CSMD1: variants seen among roughly 807,000 people sequenced by gnomAD.
CSMD1 encodes CUB and sushi domain-containing protein 1.
Under a neutral mutation model 417.5 loss-of-function variants are expected in CSMD1, and 213 were observed. That is an observed-to-expected ratio of 0.51 (90% CI 0.46 to 0.57). The LOEUF (loss-of-function observed/expected upper bound fraction) is 0.57, where lower values mean the gene tolerates loss of function less well. Among genes scored for constraint, CSMD1 ranks in the 20% least tolerant of loss-of-function variants. The pLI is 0.00. For synonymous variants in CSMD1, 2,862 were observed against 1,736.8 expected (o/e 1.65, Z -16.11); for missense variants, 6,923 against 4,529.7 (o/e 1.53, Z -15.17).
intron 1 of CSMD1, among the ~76,000 whole-genome samples, chr8:4,968,485 T>C (rs1385096885): frequency 1.3e-5 from 2 of 152,112 alleles, no homozygotes; most frequent in African/African-American, 4.8e-5. Flanking sequence ...TAGATTAAGA[T>C]ATAGGAAAAT....
chr8:4,312,423 G>GTATATATATA (rs1563435221), intron 3 of CSMD1, among the ~76,000 whole-genome samples: 8 of 105,106 alleles, frequency 7.6e-5, no homozygotes, highest in African/African-American at 6.2e-4. Flanking sequence ...ATATATATGC[G>GTATATATATA]CGTATATATA....
intron 3 of CSMD1, among the ~76,000 whole-genome samples, chr8:4,053,364 T>G (rs1371684500): frequency 6.6e-6 from 1 of 151,902 alleles, no homozygotes; most frequent in Non-Finnish European, 1.5e-5. Context: ...TATTCTAAAT[T>G]CTCTACAGAC....
At chr8:3,167,464 A>G (rs985830912) in intron 37 of CSMD1, among the ~76,000 whole-genome samples, 7 of 152,222 alleles carry the variant, frequency 4.6e-5, no homozygotes, top group African/African-American at 1.7e-4. Context: ...ACACATTTAA[A>G]AACACTTAAA....
At chr8:3,771,357 A>G (rs1012363691) in intron 5 of CSMD1, among the ~76,000 whole-genome samples, 1 of 152,106 alleles carries the variant, frequency 6.6e-6, no homozygotes, top group Non-Finnish European at 1.5e-5. Flanking sequence ...AGAAATTCAG[A>G]CGGCATTGCT....
intron 5 of CSMD1, among the ~76,000 whole-genome samples, chr8:3,909,492 C>G (rs1808317787): frequency 6.6e-6 from 1 of 152,108 alleles, no homozygotes; most frequent in South Asian, 2.1e-4. Flanking sequence ...ATCCAGAGAG[C>G]TTTCTCCCAG....
At chr8:3,098,861 G>C (rs1055020251) in intron 46 of CSMD1, among the ~76,000 whole-genome samples, 2 of 151,854 alleles carry the variant, frequency 1.3e-5, no homozygotes, top group African/African-American at 4.8e-5. Flanking sequence ...CTCCCCCTCA[G>C]GGTTTTAATT....
At chr8:4,901,335 G>A (rs376299583) in intron 1 of CSMD1, among the ~76,000 whole-genome samples, 1 of 152,128 alleles carries the variant, frequency 6.6e-6, no homozygotes, top group Admixed American at 6.5e-5. Flanking sequence ...AAAATTTCAG[G>A]TATAATGGTA....
At chr8:4,918,772 G>A (rs1221651488) in intron 1 of CSMD1, among the ~76,000 whole-genome samples, 2 of 151,938 alleles carry the variant, frequency 1.3e-5, no homozygotes, top group South Asian at 4.2e-4. Context: ...ATGTGCATAT[G>A]GAATTTTAAA....
At position 4,656,472 on chromosome 8, in the gene CSMD1, G is replaced by C. The variant is rs537506169; in HGVS notation, c.86-18914C>G. On this transcript the variant is annotated intron_variant, in intron 1 of 69. Coordinates refer to ENST00000635120, the MANE Select transcript of CSMD1 (RefSeq NM_033225.6). ...TAAAGCACTTAACCTTTGCTGATAA[G>C]AACATTTACGGACCATTTCATAAAA... is the stretch of plus-strand genomic sequence containing the variant. Among the ~76,000 whole-genome samples, 57 of 152,152 alleles carry C rather than the reference G, an allele frequency of 3.7e-4. No individual in the cohort carries two copies. The Middle Eastern group carries it at 0.014, about 36-fold the overall frequency.
intron 3 of CSMD1, among the ~76,000 whole-genome samples, chr8:4,264,559 G>C (rs1340936489): frequency 2.6e-5 from 4 of 152,138 alleles, no homozygotes; most frequent in African/African-American, 7.2e-5. Context: ...TTAAGGGTTA[G>C]CAAGCATTTT....
chr8:3,312,786 T>C (rs955667546), intron 23 of CSMD1, among the ~76,000 whole-genome samples: 9 of 137,328 alleles, frequency 6.6e-5, no homozygotes, highest in South Asian at 2.2e-4. Context: ...CATGTCAGCA[T>C]CTCTCAGGTT....
chr8:3,918,929 T>G (rs1375240560), intron 5 of CSMD1, among the ~76,000 whole-genome samples: 1 of 130,456 alleles, frequency 7.7e-6, no homozygotes, highest in Non-Finnish European at 1.7e-5. Flanking sequence ...GGGTTCAGTG[T>G]GGGCTGCTCG....
chr8:4,222,434 G>C lies in CSMD1; in HGVS notation c.416-190335C>G, dbSNP rs1376942251. 2.0e-5 allele frequency among the ~76,000 whole-genome samples: 3 copies of C among 150,246 alleles called. No individual in the cohort carries two copies. The East Asian group carries it at 5.9e-4, about 29-fold the overall frequency. On this transcript the variant is annotated intron_variant, in intron 3 of 69. Transcript: ENST00000635120. ...CTTCCATCTTATTCTGTAAAGTGAG[G>C]TCTTTGTGCATTGTGTAGTACCTGG...
At position 3,262,187 on chromosome 8, in the gene CSMD1, ATATATATATATATATATATATATAT is replaced by A. The variant is rs1563199371; in HGVS notation, c.4153+21932_4153+21956del. Among the ~76,000 whole-genome samples, 72 of 46,796 alleles carry A rather than the reference ATATATATATATATATATATATATAT, an allele frequency of 1.5e-3. 2 individuals are homozygous for A. The highest frequency in any genetic ancestry group is 0.025 in the Middle Eastern group (2 of 80). 30.7% of individuals were successfully genotyped at this position (46,796 alleles called of 152,430 possible). On this transcript the variant is annotated intron_variant, in intron 26 of 69. Coordinates refer to ENST00000635120, the MANE Select transcript of CSMD1 (RefSeq NM_033225.6). ...TTTCTAAAATTATGCTCATATGAAT[ATATATATATATATATATATATATAT>A]ATATATATATATATATATACACACA...
intron 3 of CSMD1, among the ~76,000 whole-genome samples, chr8:4,053,032 G>T (rs573471441): frequency 6.6e-6 from 1 of 152,084 alleles, no homozygotes; most frequent in Non-Finnish European, 1.5e-5. Context: ...GGTAACAATT[G>T]GTACCTCTAA....
intron 2 of CSMD1, among the ~76,000 whole-genome samples, chr8:4,552,309 T>C (rs565661118): frequency 6.6e-6 from 1 of 152,284 alleles, no homozygotes; most frequent in Non-Finnish European, 1.5e-5. Flanking sequence ...ACGTTATGCA[T>C]ATCCCTACAC....
intron 10 of CSMD1, among the ~76,000 whole-genome samples, chr8:3,511,045 C>G (rs11777099): frequency 0.086 from 13,019 of 151,736 alleles, 847 homozygotes; most frequent in African/African-American, 0.16. Flanking sequence ...GAATACTATG[C>G]AGCAATAAAA....
At chr8:4,780,363 G>A (rs1316245501) in intron 1 of CSMD1, among the ~76,000 whole-genome samples, 1 of 152,144 alleles carries the variant, frequency 6.6e-6, no homozygotes, top group Non-Finnish European at 1.5e-5. Context: ...TTAAGCAGGT[G>A]TGATTTAAAA....
At chr8:4,851,724 A>G (rs760359224) in intron 1 of CSMD1, among the ~76,000 whole-genome samples, 1 of 152,178 alleles carries the variant, frequency 6.6e-6, no homozygotes, top group African/African-American at 2.4e-5. Flanking sequence ...ATGACTAACA[A>G]GAACCTTAAG....
Sources: allele counts gnomAD v4.1 joint callset (sites outside exome capture counted in the v4.1 genomes callset), GRCh38; gene constraint gnomAD v4.1.1; transcripts MANE v1.5; gene names NCBI Gene and HGNC (gene_info 2026-07-23, HGNC 2026-07-21).